DACH1: variants seen among roughly 807,000 people sequenced by gnomAD.
DACH1 encodes the protein dachshund family transcription factor 1.
DACH1 carries 12 observed loss-of-function variants against 54.2 expected under a neutral mutation model. The ratio of observed to expected loss-of-function variants is 0.22; its 90% confidence interval spans 0.14 to 0.36. DACH1 has a LOEUF of 0.36. DACH1 is among the 10% of genes least tolerant of loss of function. The pLI is 1.00. For synonymous variants in DACH1, 386 were observed against 366.2 expected (o/e 1.05, Z -0.62); for missense variants, 805 against 929.8 (o/e 0.87, Z 1.75).
chr13:71,551,002 A>G (rs775297300), intron 6 of DACH1, among the ~76,000 whole-genome samples: 12 of 152,124 alleles, frequency 7.9e-5, no homozygotes, highest in Non-Finnish European at 1.6e-4. Flanking sequence ...TTATCAAAAT[A>G]TAGAAAATTT....
At chr13:71,550,575 C>T (rs1356406472) in intron 6 of DACH1, among the ~76,000 whole-genome samples, 1 of 152,070 alleles carries the variant, frequency 6.6e-6, no homozygotes, top group African/African-American at 2.4e-5. Context: ...ATTTACAGGG[C>T]TGTTATGAAT....
At chr13:71,829,893 C>T (rs1200531943) in intron 1 of DACH1, among the ~76,000 whole-genome samples, 1 of 151,800 alleles carries the variant, frequency 6.6e-6, no homozygotes, top group Non-Finnish European at 1.5e-5. Flanking sequence ...GAAAAAAATG[C>T]ATATGTAAAA....
intron 1 of DACH1, among the ~76,000 whole-genome samples, chr13:71,831,052 T>C (rs139110154): frequency 6.6e-6 from 1 of 152,066 alleles, no homozygotes; most frequent in Non-Finnish European, 1.5e-5. Context: ...ATAGATCAAA[T>C]AGTGTTGAAG....
intron 2 of DACH1, among the ~76,000 whole-genome samples, chr13:71,678,555 G>T (rs979146707): frequency 2.0e-5 from 3 of 152,146 alleles, no homozygotes; most frequent in African/African-American, 4.8e-5. Flanking sequence ...AAAGCAGTTT[G>T]CTGAGGTCTA....
intron 10 of DACH1, among the ~76,000 whole-genome samples, chr13:71,441,789 T>C (rs1874027732): frequency 6.6e-6 from 1 of 152,090 alleles, no homozygotes; most frequent in African/African-American, 2.4e-5. Context: ...AGGAACTTAA[T>C]ATCAGCAATG....
At chr13:71,609,870 T>C (rs984651582) in intron 3 of DACH1, among the ~76,000 whole-genome samples, 1 of 152,108 alleles carries the variant, frequency 6.6e-6, no homozygotes, top group African/African-American at 2.4e-5. Flanking sequence ...AATTTTATTA[T>C]TAAAAACCCA....
In DACH1 at chr13:71,624,503, G is replaced by A. The variant is rs151307362; in HGVS notation, c.1126+6053C>T. The stretch of plus-strand genomic sequence containing the variant: ...TAGGGTAGTCTTGTATATGCTCCAC[G>A]TTTACAAGACTGGCTGTTAATATTG... On this transcript the variant is annotated intron_variant, in intron 3 of 10. Transcript: ENST00000613252. Among the ~76,000 whole-genome samples the A allele has an allele frequency of 5.3e-3, 805 of 151,850 alleles. 7 individuals are homozygous for A. Among genetic ancestry groups the A allele is most frequent in the African/African-American group, 0.018 (749 of 41,464 alleles).
intron 6 of DACH1, among the ~76,000 whole-genome samples, chr13:71,518,428 G>A (rs558780161): frequency 1.3e-5 from 2 of 151,844 alleles, no homozygotes; most frequent in East Asian, 3.9e-4. Flanking sequence ...TCCAGGCTGT[G>A]GCATTTTGTT....
rs145947566 is a variant in DACH1, at chr13:71,684,984, A to T, written c.849-3074T>A. ...AGAATAGAGGGTTTGGGAAATCTCAAGCAAGATGCTACAGAAAAAGTGGGA... is the reference window on the plus strand; with the variant it reads ...AGAATAGAGGGTTTGGGAAATCTCATGCAAGATGCTACAGAAAAAGTGGGA... On this transcript the variant is annotated intron_variant, in intron 1 of 10. Coordinates refer to ENST00000613252, the MANE Select transcript of DACH1 (RefSeq NM_080759.6). Among the ~76,000 whole-genome samples, 142 of 152,296 alleles carry T rather than the reference A, an allele frequency of 9.3e-4. 1 individual carries two copies. The East Asian group carries it at 0.024, about 25-fold the overall frequency.
intron 1 of DACH1, among the ~76,000 whole-genome samples, chr13:71,799,845 G>C (rs1311351351): frequency 6.6e-6 from 1 of 152,246 alleles, no homozygotes; most frequent in Non-Finnish European, 1.5e-5. Flanking sequence ...TACTGGCAAT[G>C]AGGAATCATT....
chr13:71,774,215 C>T (rs758255816), intron 1 of DACH1, among the ~76,000 whole-genome samples: 3 of 152,072 alleles, frequency 2.0e-5, no homozygotes, highest in Non-Finnish European at 4.4e-5. Flanking sequence ...CCTAAAGTTC[C>T]ACTGAGTATT....
In DACH1 at chr13:71,864,214, C is replaced by CACACACACACACACACA. The variant is rs35136330; in HGVS notation, c.848+1707_848+1708insTGTGTGTGTGTGTGTGT. On this transcript the variant is annotated intron_variant, in intron 1 of 10. Coordinates refer to ENST00000613252, the MANE Select transcript of DACH1 (RefSeq NM_080759.6). Reference sequence around the variant, plus strand: ...ACACACACACACACACACACACACACAACATTTACCCCAAAATAGTCGAAG... The same window carrying CACACACACACACACACA: ...ACACACACACACACACACACACACACACACACACACACACACAAACATTTACCCCAAAATAGTCGAAG... 9.2e-4 allele frequency among the ~76,000 whole-genome samples: 104 copies of CACACACACACACACACA among 113,318 alleles called. 1 individual carries two copies. Among genetic ancestry groups the CACACACACACACACACA allele is most frequent in the African/African-American group, 3.5e-3 (93 of 26,934 alleles). The allele number at this position is 113,318 out of a possible 152,430, so 74.3% of individuals were successfully genotyped here.
Position 71,508,547 on chromosome 13 carries a change from G to A in DACH1, c.1571-19399C>T, listed in dbSNP as rs147991641. Reference sequence around the variant, plus strand: ...AGTAGCATGATTATAGCTCACTGCAGCCTCAACTTCCTAGGCTCAAGCAGT... The same window carrying A: ...AGTAGCATGATTATAGCTCACTGCAACCTCAACTTCCTAGGCTCAAGCAGT... On this transcript the variant is annotated intron_variant, in intron 6 of 10. Coordinates refer to ENST00000613252, the MANE Select transcript of DACH1 (RefSeq NM_080759.6). Among the ~76,000 whole-genome samples the A allele has an allele frequency of 3.9e-3, 588 of 151,888 alleles. 2 individuals carry two copies. Among genetic ancestry groups the A allele is most frequent in the Non-Finnish European group, 6.4e-3 (436 of 67,952 alleles).
chr13:71,744,901 A>G (rs1884543237), intron 1 of DACH1, among the ~76,000 whole-genome samples: 1 of 152,212 alleles, frequency 6.6e-6, no homozygotes, highest in Non-Finnish European at 1.5e-5. Context: ...TGAATTCTAC[A>G]TAAGCAACCC....
chr13:71,501,315 G>A (rs899927273), intron 6 of DACH1, among the ~76,000 whole-genome samples: 5 of 151,978 alleles, frequency 3.3e-5, no homozygotes, highest in African/African-American at 4.8e-5. Flanking sequence ...TCACATATAC[G>A]CATATATGAA....
intron 3 of DACH1, among the ~76,000 whole-genome samples, chr13:71,620,541 C>G (rs1489055173): frequency 6.6e-6 from 1 of 151,840 alleles, no homozygotes; most frequent in African/African-American, 2.4e-5. Context: ...TTCAAGTAGG[C>G]TTGTCACTCA....
chr13:71,819,780 C>T (rs1032418784), intron 1 of DACH1, among the ~76,000 whole-genome samples: 3 of 151,994 alleles, frequency 2.0e-5, no homozygotes, highest in African/African-American at 7.2e-5. Context: ...AAACAAAGTC[C>T]TTGTTCAAAA....
chr13:71,720,629 C>T (rs961325284), intron 1 of DACH1, among the ~76,000 whole-genome samples: 1 of 151,972 alleles, frequency 6.6e-6, no homozygotes, highest in Non-Finnish European at 1.5e-5. Flanking sequence ...AATATGAATC[C>T]TTTGCCTGCT....
At chr13:71,760,910 A>T (rs1885376842) in intron 1 of DACH1, among the ~76,000 whole-genome samples, 1 of 152,254 alleles carries the variant, frequency 6.6e-6, no homozygotes, top group South Asian at 2.1e-4. Context: ...GAATTTTGAT[A>T]TGGCATTTTG....
Sources: allele counts gnomAD v4.1 joint callset (sites outside exome capture counted in the v4.1 genomes callset), GRCh38; gene constraint gnomAD v4.1.1; transcripts MANE v1.5; gene names NCBI Gene and HGNC (gene_info 2026-07-23, HGNC 2026-07-21).